KALRN: variants seen among roughly 807,000 people sequenced by gnomAD.
KALRN encodes kalirin.
A neutral mutation model predicts 353.7 loss-of-function variants in KALRN; 70 were observed. The observed-to-expected ratio is 0.20, with a 90% CI of 0.16 to 0.24. The LOEUF (loss-of-function observed/expected upper bound fraction) is 0.24. KALRN is among the 10% of genes least tolerant of loss of function. The pLI, the probability that KALRN is intolerant of heterozygous loss-of-function variation, is 1.00. For missense variants in KALRN, 2,791 were observed against 3,756.7 expected (o/e 0.74, Z 6.72); for synonymous variants, 1,391 against 1,434.8 (o/e 0.97, Z 0.69).
At position 124,334,447 on chromosome 3, in the gene KALRN, G is replaced by T. The variant is rs528746346; in HGVS notation, c.1599G>T (p.Arg533=). ...LESIWQHRKV[R]LHQRLQLCVF... ...GCATCTGGCAGCACCGCAAGGTGCG[G>T]CTCCACCAGCGGCTGCAGCTCTGCG... Residue 533 remains arginine, a synonymous_variant, in exon 9 of 60, where the codon CGG becomes CGT. Transcript: ENST00000682506. The surrounding 1 kb of genome is among the most constrained non-coding windows in gnomAD (Gnocchi z 4.2). 1 of 1,614,044 alleles carries T rather than the reference G, an allele frequency of 6.2e-7. No homozygotes were observed. The highest frequency in any genetic ancestry group is 8.5e-7 in the Non-Finnish European group (1 of 1,179,938).
chr3:124,643,060 G>T (rs1184076434), intron 37 of KALRN, among the ~76,000 whole-genome samples: 3 of 151,892 alleles, frequency 2.0e-5, no homozygotes, highest in South Asian at 2.1e-4. Context: ...CACGTGATCC[G>T]CCTGCCTCGG....
chr3:124,047,032 A>G (rs943757744), intron 1 of KALRN, among the ~76,000 whole-genome samples: 1 of 151,694 alleles, frequency 6.6e-6, no homozygotes, highest in African/African-American at 2.4e-5. Context: ...TTTAAACAAA[A>G]GACCTATGAA....
intron 1 of KALRN, among the ~76,000 whole-genome samples, chr3:124,108,661 A>G (rs1323130151): frequency 1.3e-5 from 2 of 152,190 alleles, no homozygotes; most frequent in Admixed American, 6.5e-5. Context: ...GTTGGGATAA[A>G]TCCTTCATCA....
chr3:124,399,543 C>T (rs1297165837), intron 13 of KALRN, among the ~76,000 whole-genome samples: 1 of 152,180 alleles, frequency 6.6e-6, no homozygotes, highest in Admixed American at 6.5e-5. Flanking sequence ...TTGAATTTCA[C>T]AGCTTTATGA....
At chr3:124,525,247 T>C (rs1048627400) in intron 33 of KALRN, among the ~76,000 whole-genome samples, 4 of 151,988 alleles carry the variant, frequency 2.6e-5, no homozygotes, top group African/African-American at 9.7e-5. Flanking sequence ...GAAATAGCAG[T>C]GATGGGAGAG....
At chr3:124,675,245 TC>T (rs2150414467) in intron 49 of KALRN, 1 of 152,314 alleles carries the variant, frequency 6.6e-6, no homozygotes, top group Non-Finnish European at 1.5e-5. Flanking sequence ...GCAAGACCCT[TC>T]CGAACACATT....
At chr3:124,409,912 G>A (rs929223233) in intron 13 of KALRN, among the ~76,000 whole-genome samples, 8 of 151,910 alleles carry the variant, frequency 5.3e-5, no homozygotes, top group African/African-American at 1.9e-4. Flanking sequence ...GAAGGGAGGG[G>A]GAGTCCAACA....
intron 33 of KALRN, chr3:124,518,925 A>G: frequency 1.0e-6 from 1 of 1,002,090 alleles, no homozygotes; most frequent in Non-Finnish European, 1.2e-6. Context: ...GGAAAAACCC[A>G]TCATTCTAAT....
chr3:124,450,892 C>A (rs777270077), intron 21 of KALRN, among the ~76,000 whole-genome samples: 2 of 151,982 alleles, frequency 1.3e-5, no homozygotes. Context: ...GAATATAGTT[C>A]ATATGTGATG....
Position 124,666,518 on chromosome 3 carries a change from A to G in KALRN, c.6415A>G (p.Met2139Val). 1.2e-6 allele frequency: 2 copies of G among 1,614,058 alleles called. No homozygotes were observed. The highest frequency in any genetic ancestry group is 8.5e-7 in the Non-Finnish European group (1 of 1,179,906). The change falls in exon 46 of 60, where the codon ATG becomes GTG. Residue 2139 changes from methionine (M) to valine (V), a missense_variant. Physicochemically the swap from Met to Val is conservative, Grantham distance 21. Coordinates refer to ENST00000682506, the MANE Select transcript of KALRN (RefSeq NM_001388419.1). ...CTATGTGATCGAGCTGGATGCAGGC[A>G]TGCAGTCCCGGACCAAAGAGAGGCG... ...TFYVIELDAGMQSRTKERRVF... is the reference protein window; with the variant it reads ...TFYVIELDAGVQSRTKERRVF...
chr3:124,660,831 G>A (rs1191759389), intron 43 of KALRN, 92 bp from the exon 44 acceptor site: 3 of 872,426 alleles, frequency 3.4e-6, no homozygotes. Context: ...AAGTCTCCAG[G>A]GTGTTATTGT....
chr3:124,629,557 T>G (rs142489728), intron 34 of KALRN, among the ~76,000 whole-genome samples: 1 of 152,298 alleles, frequency 6.6e-6, no homozygotes, highest in African/African-American at 2.4e-5. Flanking sequence ...TATTTTTCAT[T>G]TTTCCTGCCT....
intron 28 of KALRN, among the ~76,000 whole-genome samples, chr3:124,484,454 T>C (rs773843502): frequency 1.3e-5 from 2 of 152,210 alleles, no homozygotes; most frequent in African/African-American, 4.8e-5. Flanking sequence ...CTTAAAGTGT[T>C]ACAACTGGAC....
chr3:124,043,217 G>A (rs984662945), intron 1 of KALRN, among the ~76,000 whole-genome samples: 2 of 152,110 alleles, frequency 1.3e-5, no homozygotes, highest in African/African-American at 2.4e-5. Context: ...AGGAGTGAGC[G>A]CATGGGGAGG....
At chr3:124,443,024 A>G (rs983465977) in intron 19 of KALRN, among the ~76,000 whole-genome samples, 1 of 152,102 alleles carries the variant, frequency 6.6e-6, no homozygotes, top group African/African-American at 2.4e-5. Flanking sequence ...AAAAAGAACA[A>G]AGAACCTGCA....
intron 51 of KALRN, among the ~76,000 whole-genome samples, chr3:124,687,257 T>G (rs2061605712): frequency 1.3e-5 from 2 of 152,056 alleles, no homozygotes; most frequent in East Asian, 1.9e-4. Context: ...TTATCCAAAG[T>G]CAAGGTCATG....
chr3:124,122,892 G>A (rs144936236), intron 1 of KALRN, among the ~76,000 whole-genome samples: 26 of 152,234 alleles, frequency 1.7e-4, no homozygotes, highest in African/African-American at 6.0e-4. Flanking sequence ...GAAGCTTAGT[G>A]AGGAAGGCAT....
Position 124,469,686 on chromosome 3 carries a change from T to C in KALRN, c.4032-4977T>C, listed in dbSNP as rs148985914. ...CCCCATTTCCGACTTAATTTTTAAA[T>C]GTATGCTCCACGTTGTTCCTCTTTT... On this transcript the variant is annotated intron_variant, in intron 25 of 59. Coordinates refer to ENST00000682506, the MANE Select transcript of KALRN (RefSeq NM_001388419.1). Among the ~76,000 whole-genome samples the C allele has an allele frequency of 2.7e-3, 413 of 152,308 alleles. 4 individuals are homozygous for C. The highest frequency in any genetic ancestry group is 9.5e-3 in the African/African-American group (394 of 41,578).
chr3:124,677,476 G>C (rs1420227845), intron 49 of KALRN: 2 of 404,124 alleles, frequency 4.9e-6, no homozygotes, highest in South Asian at 3.7e-5. Flanking sequence ...TCACCTCCCT[G>C]GGAGCACACA....
Sources: allele counts gnomAD v4.1 joint callset (sites outside exome capture counted in the v4.1 genomes callset), GRCh38; gene constraint gnomAD v4.1.1; non-coding constraint Gnocchi (gnomAD v3.1); transcripts MANE v1.5; gene names NCBI Gene and HGNC (gene_info 2026-07-23, HGNC 2026-07-21).